THOC2: variants seen among roughly 807,000 people sequenced by gnomAD.
The protein encoded by THOC2 is THO complex subunit 2.
THOC2 carries 10 observed loss-of-function variants against 128.4 expected under a neutral mutation model. The ratio of observed to expected loss-of-function variants is 0.08; its 90% CI spans 0.05 to 0.13. The LOEUF (loss-of-function observed/expected upper bound fraction) is 0.13. THOC2 is among the 10% of genes least tolerant of loss of function. THOC2 has a pLI of 1.00. For missense variants in THOC2, 535 were observed against 1,155.7 expected, an observed-to-expected ratio of 0.46 and a Z score of 7.79; for synonymous variants, 393 against 396.9, an observed-to-expected ratio of 0.99 and a Z score of 0.12.
intron 15 of THOC2, among the ~76,000 whole-genome samples, chrX:123,642,975 G>C (rs1247297603): frequency 9.0e-6 from 1 of 111,040 alleles, no homozygotes; most frequent in Non-Finnish European, 1.9e-5. Flanking sequence ...GGTACCTAGA[G>C]GTATGATAAC....
At chrX:123,713,388 T>C (rs1201189637) in intron 1 of THOC2, among the ~76,000 whole-genome samples, 1 of 108,594 alleles carries the variant, frequency 9.2e-6, no homozygotes. Flanking sequence ...GGCAAGAGAA[T>C]TGCTTGAACC....
At chrX:123,700,168 A>T (rs898244851) in intron 4 of THOC2, among the ~76,000 whole-genome samples, 2 of 108,994 alleles carry the variant, frequency 1.8e-5, no homozygotes, top group Non-Finnish European at 1.9e-5. Flanking sequence ...CCCTTTCTAT[A>T]GCTCTCATGC....
chrX:123,692,149 A>AT (rs894296767), intron 7 of THOC2, among the ~76,000 whole-genome samples: 6 of 111,398 alleles, frequency 5.4e-5, no homozygotes, highest in Non-Finnish European at 9.4e-5. Flanking sequence ...TGATGCTCTG[A>AT]TTTTTTTTGA....
chrX:123,629,535 C>T (rs1372315429), intron 22 of THOC2, among the ~76,000 whole-genome samples: 1 of 111,523 alleles, frequency 9.0e-6, no homozygotes, highest in Non-Finnish European at 1.9e-5. Context: ...TACCTGCCTT[C>T]CTTCCTGAGT....
At chrX:123,607,444 T>TTTTATTTATTTATTTATTTA (rs201176690) in intron 38 of THOC2, among the ~76,000 whole-genome samples, 2 of 97,796 alleles carry the variant, frequency 2.0e-5, no homozygotes, top group Admixed American at 1.1e-4. Flanking sequence ...CCTAGCTAAG[T>TTTTATTTATTTATTTATTTA]TTTATTTATT....
At chrX:123,687,457 A>G (rs895556588) in intron 7 of THOC2, among the ~76,000 whole-genome samples, 2 of 111,876 alleles carry the variant, frequency 1.8e-5, no homozygotes, top group Non-Finnish European at 1.9e-5. Flanking sequence ...TAACCACTTC[A>G]TTGGGCTAAC....
Position 123,600,891 on chromosome X carries a change from T to C in THOC2, c.*466A>G, listed in dbSNP as rs2046254079. ...AAGACAATGCTCCCACTGCTTTTAG[T>C]GACTAATATTAAGAACAAGCCAAAT... On this transcript the variant is annotated 3_prime_UTR_variant, in exon 39 of 39. Coordinates refer to ENST00000245838, the MANE Select transcript of THOC2 (RefSeq NM_001081550.2). 8.9e-6 allele frequency: 1 copy of C among 112,562 alleles called. No homozygotes were observed. The highest frequency in any genetic ancestry group is 9.4e-5 in the Admixed American group (1 of 10,592). The allele number at this position is 112,562 out of a possible 1,213,427, so 9.3% of individuals were successfully genotyped here. A position where few individuals can be genotyped will look rare whatever the true frequency, so the allele number is the denominator to read the frequency against.
intron 9 of THOC2, among the ~76,000 whole-genome samples, chrX:123,668,546 G>C (rs1603289889): frequency 8.9e-6 from 1 of 112,109 alleles, no homozygotes; most frequent in African/African-American, 3.2e-5. Context: ...CACATCTTCT[G>C]TCTGACAGAG....
intron 33 of THOC2, among the ~76,000 whole-genome samples, chrX:123,619,095 A>G (rs2046997232): frequency 8.9e-6 from 1 of 112,352 alleles, no homozygotes; most frequent in East Asian, 2.8e-4. Flanking sequence ...TCTTCCCCGA[A>G]TGTTAAACTT....
intron 19 of THOC2, among the ~76,000 whole-genome samples, chrX:123,634,560 A>G (rs774251878): frequency 2.7e-5 from 3 of 111,954 alleles, no homozygotes; most frequent in Non-Finnish European, 3.8e-5. Context: ...CAATTTTAGT[A>G]CATGTAACGC....
At position 123,703,598 on chromosome X, in the gene THOC2, C is replaced by T. The variant is rs951956780; in HGVS notation, c.223-93G>A. 32 of 560,691 alleles carry T rather than the reference C, an allele frequency of 5.7e-5. No individual in the cohort carries two copies. In the South Asian group the frequency reaches 7.1e-4, roughly 12 times the overall value. The allele number at this position is 560,691 out of a possible 1,213,427, so 46.2% of individuals were successfully genotyped here. On this transcript the variant is annotated intron_variant, in intron 3 of 38. Transcript: ENST00000245838. ...AACACTCTTCTGTGAAACTTAAAAA[C>T]AAAAAATGGCTGGGAGCAGTGGCTC...
chrX:123,678,381 T>C (rs765557000), intron 8 of THOC2, among the ~76,000 whole-genome samples: 7 of 107,940 alleles, frequency 6.5e-5, no homozygotes, highest in African/African-American at 2.0e-4. Flanking sequence ...TTCTCCTGCC[T>C]CAGCCACCCT....
intron 22 of THOC2, among the ~76,000 whole-genome samples, chrX:123,628,874 A>C (rs2047365275): frequency 9.0e-6 from 1 of 110,513 alleles, no homozygotes; most frequent in Non-Finnish European, 1.9e-5. Context: ...GGAACATCCC[A>C]GGCAAACCAG....
At chrX:123,665,534 C>G (rs1288412925) in intron 12 of THOC2, 108 bp downstream of exon 12, 1 of 533,676 alleles carries the variant, frequency 1.9e-6, no homozygotes, top group Non-Finnish European at 2.8e-6. Context: ...CAACATAACC[C>G]TTTATTAAAT....
intron 8 of THOC2, among the ~76,000 whole-genome samples, chrX:123,677,180 T>C (rs973727095): frequency 9.0e-6 from 1 of 111,263 alleles, no homozygotes; most frequent in Non-Finnish European, 1.9e-5. Context: ...TCTAAACCTA[T>C]CTAAACACAG....
chrX:123,713,972 A>G (rs2051305213), intron 1 of THOC2, among the ~76,000 whole-genome samples: 1 of 112,027 alleles, frequency 8.9e-6, no homozygotes, highest in African/African-American at 3.2e-5. Flanking sequence ...GAAAAAGACA[A>G]CAGAGGAATA....
chrX:123,685,433 G>T (rs1370883827), intron 8 of THOC2, among the ~76,000 whole-genome samples: 5 of 111,975 alleles, frequency 4.5e-5, no homozygotes, highest in African/African-American at 1.6e-4. Flanking sequence ...TGCTCTTAAA[G>T]AATAAATAGG....
chrX:123,671,798 G>A, intron 8 of THOC2, 37 bp from the exon 9 acceptor site: 2 of 914,640 alleles, frequency 2.2e-6, no homozygotes, highest in Non-Finnish European at 3.1e-6. Context: ...ATTTAGTGCA[G>A]AAAGGACAAT....
chrX:123,687,986 C>T (rs768691642), intron 7 of THOC2, among the ~76,000 whole-genome samples: 10 of 112,024 alleles, frequency 8.9e-5, no homozygotes, highest in African/African-American at 2.9e-4. Context: ...AAAAGTGATT[C>T]GAAAATAGCA....
Sources: allele counts gnomAD v4.1 joint callset (sites outside exome capture counted in the v4.1 genomes callset), GRCh38; gene constraint gnomAD v4.1.1; transcripts MANE v1.5; gene names NCBI Gene and HGNC (gene_info 2026-07-23, HGNC 2026-07-21).